Variants in RREB1 observed in about 807,000 individuals in gnomAD.
RREB1 encodes the protein ras-responsive element-binding protein 1.
RREB1 carries 27 observed loss-of-function variants against 117.8 expected under a neutral mutation model. The ratio of observed to expected loss-of-function variants is 0.23; its 90% CI spans 0.17 to 0.32. The LOEUF (loss-of-function observed/expected upper bound fraction) is 0.32, where lower values mean the gene tolerates loss of function less well. Ranked by LOEUF, RREB1 falls within the 10% of genes least tolerant of loss-of-function variation. The pLI is 1.00. For synonymous variants in RREB1, 1,298 were observed against 1,026.7 expected, an observed-to-expected ratio of 1.26 and a Z score of -5.05; for missense variants, 2,577 against 2,378.2, an observed-to-expected ratio of 1.08 and a Z score of -1.74.
rs1291909409 is a variant in RREB1 at position 7,248,489 on chromosome 6, ATTCT to A, written c.4772-16_4772-13del. On this transcript the variant is annotated intron_variant, in intron 12 of 12. Coordinates refer to ENST00000379938, the MANE Select transcript of RREB1 (RefSeq NM_001003699.4). ...TACTGGTGCCTTTTGGTTAATGGAA[ATTCT>A]TTCTTCCATTGTTCCAGGGGAAAGG... 2 of 1,607,054 alleles carry A rather than the reference ATTCT, an allele frequency of 1.2e-6. No individual in the cohort carries two copies. Among genetic ancestry groups the A allele is most frequent in the African/African-American group, 1.3e-5 (1 of 74,794 alleles).
At chr6:7,190,381 T>C (rs1235984507) in intron 6 of RREB1, among the ~76,000 whole-genome samples, 1 of 152,256 alleles carries the variant, frequency 6.6e-6, no homozygotes, top group African/African-American at 2.4e-5. Context: ...GATTCGGTGC[T>C]AATTAGTTTA....
Position 7,247,201 on chromosome 6 carries a change from G to A in RREB1, c.4751G>A (p.Arg1584Gln). ...KRFWSLQDLT[R>Q]HMRSHTGERP... ...TTCTGGTCGCTGCAGGACCTGACCC[G>A]GCACATGCGCTCCCACACAGGTAAC... The change falls in exon 12 of 13, where the codon CGG becomes CAG. Residue 1584 changes from arginine (R) to glutamine (Q), a missense_variant. By Grantham distance (43) the Arg-to-Gln change is conservative. Coordinates refer to ENST00000379938, the MANE Select transcript of RREB1 (RefSeq NM_001003699.4). The A allele has an allele frequency of 1.2e-6, 2 of 1,613,298 alleles. No individual in the cohort carries two copies. Among genetic ancestry groups the A allele is most frequent in the Non-Finnish European group, 1.7e-6 (2 of 1,179,768 alleles).
chr6:7,175,700 C>T (rs1409144810), intron 1 of RREB1, among the ~76,000 whole-genome samples: 1 of 152,142 alleles, frequency 6.6e-6, no homozygotes. Flanking sequence ...CAGTTTTCTC[C>T]CAGCACAGGG....
Position 7,229,794 on chromosome 6 carries a change from C to A in RREB1, c.1695C>A (p.Ser565=), listed in dbSNP as rs749125416. The A allele has an allele frequency of 1.9e-6, 3 of 1,609,490 alleles. No individual in the cohort carries two copies. The highest frequency in any genetic ancestry group is 1.3e-5 in the African/African-American group (1 of 74,838). The change falls in exon 10 of 13, where the codon TCC becomes TCA. Residue 565 remains serine, a synonymous_variant. Transcript: ENST00000379938. The surrounding 1 kb of genome is among the most constrained non-coding windows in gnomAD (Gnocchi z 4.5). ...EAASNAHLLQ[S]KSGTQPHAAT... ...CCTCCAACGCCCACCTGCTGCAGTC[C>A]AAGTCCGGGACCCAGCCCCACGCGG...
At chr6:7,118,319 C>T (rs1462360099) in intron 1 of RREB1, among the ~76,000 whole-genome samples, 1 of 152,154 alleles carries the variant, frequency 6.6e-6, no homozygotes, top group African/African-American at 2.4e-5. Flanking sequence ...CAGAGTTTCA[C>T]TATGTTGGCC....
In RREB1 at chr6:7,189,296, A is replaced by G. The variant is rs370603810; in HGVS notation, c.399A>G (p.Ser133=). ...RPYKCTVCGQ[S]FTTNGNMHRH... is the part of the protein sequence containing the mutation. The stretch of plus-strand genomic sequence containing the variant: ...ACAAGTGCACTGTGTGTGGCCAGTC[A>G]TTTACCACCAATGGGAACATGCACA... The change falls in exon 6 of 13, where the codon TCA becomes TCG. Residue 133 remains serine (S), a synonymous_variant. Coordinates refer to ENST00000379938, the MANE Select transcript of RREB1 (RefSeq NM_001003699.4). The G allele has an allele frequency of 1.3e-6, 2 of 1,597,076 alleles. No individual in the cohort carries two copies. Among genetic ancestry groups the G allele is most frequent in the African/African-American group, 1.3e-5 (1 of 74,554 alleles).
chr6:7,189,992 GCTTT>G (rs1043994779), intron 6 of RREB1, among the ~76,000 whole-genome samples: 1 of 152,036 alleles, frequency 6.6e-6, no homozygotes, highest in Non-Finnish European at 1.5e-5. Context: ...TCCTTATTCT[GCTTT>G]CTTTTAAAAA....
intron 1 of RREB1, among the ~76,000 whole-genome samples, chr6:7,153,251 A>G (rs1231996891): frequency 1.3e-5 from 2 of 152,022 alleles, no homozygotes; most frequent in East Asian, 3.9e-4. Flanking sequence ...TTTTTTAAAA[A>G]AAGTAGCTTT....
intron 1 of RREB1, among the ~76,000 whole-genome samples, chr6:7,117,039 C>G (rs1057040267): frequency 1.2e-4 from 19 of 152,114 alleles, no homozygotes; most frequent in African/African-American, 4.6e-4. Flanking sequence ...AATTTAGCTT[C>G]TCTTTTTTCC....
At chr6:7,176,183 C>T (rs946173816) in intron 1 of RREB1, among the ~76,000 whole-genome samples, 2 of 152,192 alleles carry the variant, frequency 1.3e-5, no homozygotes, top group Admixed American at 6.5e-5. Flanking sequence ...TCCCAAAGTG[C>T]GGGGATTACA....
rs531441350 is a variant in RREB1, at chr6:7,225,555, G to A, written c.708-912G>A. Among the ~76,000 whole-genome samples the A allele has an allele frequency of 1.7e-4, 26 of 152,274 alleles. No individual in the cohort carries two copies. The South Asian group carries it at 5.2e-3, about 30-fold the overall frequency. Reference sequence around the variant, plus strand: ...AGACAATACTGGTCTGAAAAGCAGAGACAATATTATAAAGTGGTGTTTGCT... The same window carrying A: ...AGACAATACTGGTCTGAAAAGCAGAAACAATATTATAAAGTGGTGTTTGCT... On this transcript the variant is annotated intron_variant, in intron 8 of 12. Coordinates refer to ENST00000379938, the MANE Select transcript of RREB1 (RefSeq NM_001003699.4).
chr6:7,117,350 T>C lies in RREB1; in HGVS notation c.-285+9290T>C, dbSNP rs192631660. Among the ~76,000 whole-genome samples, 26 of 149,690 alleles carry C rather than the reference T, an allele frequency of 1.7e-4. No homozygotes were observed. The East Asian group carries it at 5.2e-3, about 30-fold the overall frequency. Reference sequence around the variant, plus strand: ...ATAACCAGGAAGATGGGGTGGGTGTTCTGAAACACAAAGGTGAACCATGTG... The same window carrying C: ...ATAACCAGGAAGATGGGGTGGGTGTCCTGAAACACAAAGGTGAACCATGTG... On this transcript the variant is annotated intron_variant, in intron 1 of 12. Coordinates refer to ENST00000379938, the MANE Select transcript of RREB1 (RefSeq NM_001003699.4).
intron 1 of RREB1, among the ~76,000 whole-genome samples, chr6:7,151,918 T>C (rs557948527): frequency 3.9e-5 from 6 of 152,362 alleles, no homozygotes; most frequent in Non-Finnish European, 5.9e-5. Flanking sequence ...AACAGGACTA[T>C]GGGGGAGAAA....
chr6:7,109,135 C>G (rs979242561), intron 1 of RREB1, among the ~76,000 whole-genome samples: 4 of 151,668 alleles, frequency 2.6e-5, no homozygotes, highest in African/African-American at 9.7e-5. Context: ...GGAGCGCGCT[C>G]GGAAACTTTT....
intron 6 of RREB1, among the ~76,000 whole-genome samples, chr6:7,200,114 T>C (rs9406003): frequency 0.11 from 16,551 of 152,018 alleles, 1,829 homozygotes; most frequent in East Asian, 0.27. Context: ...CCTCAAAACA[T>C]TTTTCCCTTT....
chr6:7,207,514 A>C (rs1222045791), intron 6 of RREB1, among the ~76,000 whole-genome samples: 4 of 152,188 alleles, frequency 2.6e-5, no homozygotes, highest in Admixed American at 2.6e-4. Context: ...GATTGACAAC[A>C]AACTTGGTAG....
chr6:7,140,237 GT>G (rs199748432), intron 1 of RREB1, among the ~76,000 whole-genome samples: 7 of 151,236 alleles, frequency 4.6e-5, no homozygotes, highest in South Asian at 2.1e-4. Flanking sequence ...TTAAAACATG[GT>G]TTTTTTTTCT....
At position 7,124,105 on chromosome 6, in the gene RREB1, G is replaced by C. The variant is rs1761801815; in HGVS notation, c.-285+16045G>C. On this transcript the variant is annotated intron_variant, in intron 1 of 12. Transcript: ENST00000379938. ...TTGCGGTAGTAAGCTCTGGGACCGG[G>C]GTGGTCACCCGTCTGAGAGTTTTGT... 5.9e-5 allele frequency among the ~76,000 whole-genome samples: 9 copies of C among 152,176 alleles called. No individual in the cohort carries two copies. In the South Asian group the frequency reaches 1.9e-3, roughly 32 times the overall value.
intron 6 of RREB1, among the ~76,000 whole-genome samples, chr6:7,198,232 A>G (rs945989063): frequency 6.6e-6 from 1 of 152,166 alleles, no homozygotes; most frequent in Non-Finnish European, 1.5e-5. Context: ...TTAATGTCAT[A>G]ATCACCAGGT....
Sources: allele counts gnomAD v4.1 joint callset (sites outside exome capture counted in the v4.1 genomes callset), GRCh38; gene constraint gnomAD v4.1.1; non-coding constraint Gnocchi (gnomAD v3.1); transcripts MANE v1.5; gene names NCBI Gene and HGNC (gene_info 2026-07-23, HGNC 2026-07-21).